The following ARHGAP10 variants were observed in gnomAD, a reference collection of about 807,000 sequenced individuals.
The protein encoded by ARHGAP10 is rho GTPase-activating protein 10.
In ARHGAP10, 87 loss-of-function variants were observed where a neutral mutation model predicts 108.6. The ratio of observed to expected loss-of-function variants is 0.80; its 90% confidence interval spans 0.67 to 0.96. ARHGAP10 has a LOEUF of 0.96. Ranked by LOEUF, ARHGAP10 falls within the 40% of genes least tolerant of loss-of-function variation. The pLI, the probability that ARHGAP10 is intolerant of heterozygous loss-of-function variation, is 0.00. For missense variants in ARHGAP10, 939 were observed against 954.5 expected (o/e 0.98, Z 0.21); for synonymous variants, 347 against 341.1 (o/e 1.02, Z -0.19).
intron 16 of ARHGAP10, among the ~76,000 whole-genome samples, chr4:147,963,363 A>G (rs568023364): frequency 3.7e-4 from 57 of 152,242 alleles, no homozygotes; most frequent in African/African-American, 1.3e-3. Flanking sequence ...ACCCTTCCTG[A>G]GCTTCCCTGG....
At chr4:147,774,927 A>G (rs1293352810) in intron 1 of ARHGAP10, among the ~76,000 whole-genome samples, 3 of 145,918 alleles carry the variant, frequency 2.1e-5, no homozygotes, top group Non-Finnish European at 3.0e-5. Context: ...TTTTTTTGAG[A>G]CGGAGTTTCG....
chr4:147,935,212 C>T (rs910819957), intron 13 of ARHGAP10, among the ~76,000 whole-genome samples: 2 of 152,038 alleles, frequency 1.3e-5, no homozygotes, highest in Non-Finnish European at 2.9e-5. Flanking sequence ...TGAGGTGAGG[C>T]CCGTCATGGA....
chr4:147,908,234 A>G (rs1357366561), intron 11 of ARHGAP10, among the ~76,000 whole-genome samples: 2 of 152,220 alleles, frequency 1.3e-5, no homozygotes, highest in Non-Finnish European at 2.9e-5. Flanking sequence ...ACTCCAAAAC[A>G]GGTTATACTA....
chr4:147,839,424 G>T (rs530905519), intron 3 of ARHGAP10, among the ~76,000 whole-genome samples: 2 of 152,110 alleles, frequency 1.3e-5, no homozygotes, highest in African/African-American at 2.4e-5. Flanking sequence ...TCTGGGGAAC[G>T]GATGTAAAAT....
At chr4:147,905,787 G>C (rs1736462519) in intron 10 of ARHGAP10, among the ~76,000 whole-genome samples, 1 of 151,148 alleles carries the variant, frequency 6.6e-6, no homozygotes. Flanking sequence ...TTGGTAGCTT[G>C]ATGGGGATGG....
At chr4:147,772,184 T>C (rs1432968750) in intron 1 of ARHGAP10, among the ~76,000 whole-genome samples, 1 of 152,212 alleles carries the variant, frequency 6.6e-6, no homozygotes, top group Non-Finnish European at 1.5e-5. Flanking sequence ...CATCTCCACC[T>C]TTAAACTGCG....
chr4:148,036,380 T>A lies in ARHGAP10; in HGVS notation c.1868-10512T>A, dbSNP rs529407368. Among the ~76,000 whole-genome samples the A allele has an allele frequency of 1.3e-4, 20 of 152,298 alleles. No individual in the cohort carries two copies. The South Asian group carries it at 3.5e-3, about 27-fold the overall frequency. Reference sequence around the variant, plus strand: ...GTCCCCGCCCAGATCTCATCTTGAATTGTAGTTCCTATAATCCCCACGTGT... The same window carrying A: ...GTCCCCGCCCAGATCTCATCTTGAAATGTAGTTCCTATAATCCCCACGTGT... On this transcript the variant is annotated intron_variant, in intron 19 of 22. Coordinates refer to ENST00000336498, the MANE Select transcript of ARHGAP10 (RefSeq NM_024605.4).
chr4:148,026,892 A>G (rs957123398), intron 19 of ARHGAP10, among the ~76,000 whole-genome samples: 11 of 152,190 alleles, frequency 7.2e-5, no homozygotes, highest in African/African-American at 2.4e-4. Flanking sequence ...TTATTTCTTT[A>G]GAACTACTAG....
intron 20 of ARHGAP10, among the ~76,000 whole-genome samples, chr4:148,056,428 T>C (rs1353865105): frequency 6.6e-6 from 1 of 152,130 alleles, no homozygotes; most frequent in Non-Finnish European, 1.5e-5. Context: ...CTATGTGGGG[T>C]TGTTCTTTTT....
intron 7 of ARHGAP10, among the ~76,000 whole-genome samples, chr4:147,868,509 T>G (rs946363288): frequency 2.0e-5 from 3 of 152,186 alleles, no homozygotes; most frequent in African/African-American, 7.2e-5. Context: ...ATCCTGGCAT[T>G]ACGGGGGTGA....
Position 148,063,315 on chromosome 4 carries a change from G to A in ARHGAP10, c.2180+15G>A, listed in dbSNP as rs914549091. 4 of 1,614,018 alleles carry A rather than the reference G, an allele frequency of 2.5e-6. No individual in the cohort carries two copies. In the African/African-American group the frequency reaches 5.3e-5, roughly 22 times the overall value. On this transcript the variant is annotated intron_variant, in intron 21 of 22. Transcript: ENST00000336498. ...CCACCTGAAAGGTACGTGGTTTGGAGTGGAATGTGGAATATGGTGGCAGCA... is the reference window on the plus strand; with the variant it reads ...CCACCTGAAAGGTACGTGGTTTGGAATGGAATGTGGAATATGGTGGCAGCA...
At chr4:147,936,291 A>G (rs1737929937) in intron 13 of ARHGAP10, among the ~76,000 whole-genome samples, 1 of 146,774 alleles carries the variant, frequency 6.8e-6, no homozygotes, top group African/African-American at 2.5e-5. Context: ...AACTCCTGGC[A>G]GGGCTGTGCG....
chr4:148,037,660 C>T (rs1728439517), intron 19 of ARHGAP10, among the ~76,000 whole-genome samples: 1 of 152,052 alleles, frequency 6.6e-6, no homozygotes. Context: ...CATGGTGAAA[C>T]CCCTTCTCTA....
intron 5 of ARHGAP10, among the ~76,000 whole-genome samples, chr4:147,860,070 A>G (rs534798116): frequency 6.6e-6 from 1 of 152,378 alleles, no homozygotes; most frequent in East Asian, 1.9e-4. Context: ...CAAGAGATTC[A>G]TAAGAGTTGC....
intron 19 of ARHGAP10, among the ~76,000 whole-genome samples, chr4:148,030,161 T>C (rs1728078846): frequency 1.3e-5 from 2 of 152,160 alleles, no homozygotes; most frequent in African/African-American, 4.8e-5. Context: ...AATACATAGC[T>C]GCTTCTGTGG....
chr4:147,733,395 G>A (rs1728301754), intron 1 of ARHGAP10, among the ~76,000 whole-genome samples: 1 of 152,128 alleles, frequency 6.6e-6, no homozygotes, highest in African/African-American at 2.4e-5. Flanking sequence ...TAACCCCTTC[G>A]GAGGATGGCG....
intron 13 of ARHGAP10, among the ~76,000 whole-genome samples, chr4:147,927,893 T>TGG (rs778407189): frequency 1.2e-4 from 19 of 152,134 alleles, no homozygotes; most frequent in Non-Finnish European, 2.1e-4. Flanking sequence ...TGGGAGAGTG[T>TGG]GGGGCCCCAA....
At chr4:147,773,901 G>A (rs1208202403) in intron 1 of ARHGAP10, among the ~76,000 whole-genome samples, 1 of 152,140 alleles carries the variant, frequency 6.6e-6, no homozygotes, top group Non-Finnish European at 1.5e-5. Flanking sequence ...TTGTTGTCAA[G>A]TGAAGCTTGA....
intron 1 of ARHGAP10, among the ~76,000 whole-genome samples, chr4:147,742,618 G>A (rs911239306): frequency 6.6e-6 from 1 of 151,180 alleles, no homozygotes; most frequent in Non-Finnish European, 1.5e-5. Context: ...CGAGTAGCTG[G>A]GATTATAGGC....
Sources: allele counts gnomAD v4.1 joint callset (sites outside exome capture counted in the v4.1 genomes callset), GRCh38; gene constraint gnomAD v4.1.1; transcripts MANE v1.5; gene names NCBI Gene and HGNC (gene_info 2026-07-23, HGNC 2026-07-21).